Variants in PUM2 observed in about 807,000 individuals in gnomAD.
The protein encoded by PUM2 is pumilio RNA binding family member 2.
In PUM2, 57 loss-of-function variants were observed where a neutral mutation model predicts 124.5. The ratio of observed to expected loss-of-function variants is 0.46; its 90% CI spans 0.37 to 0.57. The LOEUF (loss-of-function observed/expected upper bound fraction) is 0.57. Ranked by LOEUF, PUM2 falls within the 20% of genes least tolerant of loss-of-function variation. PUM2 has a pLI of 0.00. For synonymous variants in PUM2, 460 were observed against 446.1 expected (o/e 1.03, Z -0.39); for missense variants, 1,065 against 1,290.6 (o/e 0.83, Z 2.68).
At chr2:20,336,712 T>TGTGTGTGG (rs201731555) in intron 1 of PUM2, among the ~76,000 whole-genome samples, 12 of 133,858 alleles carry the variant, frequency 9.0e-5, no homozygotes, top group Non-Finnish European at 1.6e-4. Context: ...TGTGTGTGTG[T>TGTGTGTGG]TACAGACGGG....
At position 20,289,689 on chromosome 2, in the gene PUM2, T is replaced by G. The variant is rs1326795951; in HGVS notation, c.1291+963A>C. Among the ~76,000 whole-genome samples the G allele has an allele frequency of 2.0e-5, 3 of 152,184 alleles. No homozygotes were observed. In the East Asian group the frequency reaches 5.8e-4, roughly 29 times the overall value. On this transcript the variant is annotated intron_variant, in intron 10 of 20. Coordinates refer to ENST00000361078, the MANE Select transcript of PUM2 (RefSeq NM_015317.5). ...TCCAGAGAGAAAGAATAAATGTAAT[T>G]GAAATAGAAATCCTTCAAACAACAA...
chr2:20,317,595 T>C (rs1324218329), intron 3 of PUM2, among the ~76,000 whole-genome samples: 1 of 152,150 alleles, frequency 6.6e-6, no homozygotes, highest in Non-Finnish European at 1.5e-5. Flanking sequence ...ATGTGCAGGT[T>C]TGTTATATAG....
rs747437492 is a variant in PUM2 at position 20,258,311 on chromosome 2, A to C, written c.2416T>G (p.Leu806Val). 6.2e-7 allele frequency: 1 copy of C among 1,612,450 alleles called. No individual in the cohort carries two copies. The highest frequency in any genetic ancestry group is 8.5e-7 in the Non-Finnish European group (1 of 1,178,808). Residue 806 changes from leucine to valine, a missense_variant, in exon 16 of 21, where the codon TTA becomes GTA. Transcript: ENST00000361078. ...CGGCAGCCATACATCTGCAAGGCTAAGGGTAGAACATGACCACGAATACGA... is the reference window on the plus strand; with the variant it reads ...CGGCAGCCATACATCTGCAAGGCTACGGGTAGAACATGACCACGAATACGA... ...ATRIRGHVLPLALQMYGCRVI... is the reference protein window; with the variant it reads ...ATRIRGHVLPVALQMYGCRVI...
chr2:20,295,409 C>T (rs1675271041), intron 8 of PUM2, among the ~76,000 whole-genome samples: 1 of 151,778 alleles, frequency 6.6e-6, no homozygotes, highest in Non-Finnish European at 1.5e-5. Context: ...ACGTTGCATT[C>T]AAAGGGGAAA....
Position 20,254,335 on chromosome 2 carries a change from T to C in PUM2, c.2871-321A>G, listed in dbSNP as rs142370812. Among the ~76,000 whole-genome samples, 563 of 152,258 alleles carry C rather than the reference T, an allele frequency of 3.7e-3. 7 individuals are homozygous for C. The highest frequency in any genetic ancestry group is 0.013 in the African/African-American group (549 of 41,558). On this transcript the variant is annotated intron_variant, in intron 19 of 20. Coordinates refer to ENST00000361078, the MANE Select transcript of PUM2 (RefSeq NM_015317.5). Reference sequence around the variant, plus strand: ...GCCACCACGCCTGGATAATTTTTTGTAGAGAAAGGATCTCCCTCTATGTTG... The same window carrying C: ...GCCACCACGCCTGGATAATTTTTTGCAGAGAAAGGATCTCCCTCTATGTTG...
At chr2:20,294,689 A>G (rs1419223822) in intron 8 of PUM2, among the ~76,000 whole-genome samples, 171 bp from the exon 9 acceptor site, 2 of 152,250 alleles carry the variant, frequency 1.3e-5, no homozygotes, top group African/African-American at 2.4e-5. Context: ...TCTTAAAGGG[A>G]AAAGATGAGA....
chr2:20,296,031 T>A (rs1051570413), intron 8 of PUM2, among the ~76,000 whole-genome samples: 2 of 152,198 alleles, frequency 1.3e-5, no homozygotes, highest in Non-Finnish European at 2.9e-5. Flanking sequence ...ATACCAACAC[T>A]TTACATAGTA....
chr2:20,286,215 CAAG>C (rs1672699977), intron 10 of PUM2, among the ~76,000 whole-genome samples: 2 of 152,018 alleles, frequency 1.3e-5, no homozygotes, highest in African/African-American at 4.8e-5. Flanking sequence ...AAAAGAGGGA[CAAG>C]AAGATGTGAG....
chr2:20,308,072 C>G lies in PUM2; in HGVS notation c.790-1G>C. On this transcript the variant is annotated splice_acceptor_variant, in intron 6 of 20. Coordinates refer to ENST00000361078, the MANE Select transcript of PUM2 (RefSeq NM_015317.5). LOFTEE classifies it high-confidence loss of function. ...TTAGTGCATTAGTCCTCTGAAAGAG[C>G]TATTAGGGAAAATATTTAACACAAA... The G allele has an allele frequency of 6.2e-7, 1 of 1,604,888 alleles. No homozygotes were observed.
intron 13 of PUM2, among the ~76,000 whole-genome samples, chr2:20,264,361 A>ATT (rs1667071078): frequency 1.6e-5 from 1 of 61,714 alleles, no homozygotes; most frequent in Non-Finnish European, 3.0e-5. Flanking sequence ...AAAAAAAAAA[A>ATT]AAAAAAATAT....
chr2:20,251,427 G>T lies in PUM2; in HGVS notation c.*158C>A. On this transcript the variant is annotated 3_prime_UTR_variant, in exon 21 of 21. Coordinates refer to ENST00000361078, the MANE Select transcript of PUM2 (RefSeq NM_015317.5). ...TCCCCCACCCCCCAAATATACACAA[G>T]AACCTTAAAAAATTTACAAATGGAT... 1 of 890,480 alleles carries T rather than the reference G, an allele frequency of 1.1e-6. No homozygotes were observed. Among genetic ancestry groups the T allele is most frequent in the Non-Finnish European group, 1.6e-6 (1 of 616,260 alleles). 55.2% of individuals were successfully genotyped at this position (890,480 alleles called of 1,614,324 possible).
chr2:20,337,153 T>A (rs1686293167), intron 1 of PUM2, among the ~76,000 whole-genome samples: 1 of 151,674 alleles, frequency 6.6e-6, no homozygotes, highest in African/African-American at 2.4e-5. Context: ...CAGACTGTGG[T>A]ATAGGCCTAA....
At chr2:20,336,122 T>C (rs1304559024) in intron 1 of PUM2, among the ~76,000 whole-genome samples, 3 of 152,216 alleles carry the variant, frequency 2.0e-5, no homozygotes, top group African/African-American at 7.2e-5. Context: ...TCAAATAATT[T>C]AGATGGAAAT....
chr2:20,271,657 A>C (rs1021056610), intron 13 of PUM2, among the ~76,000 whole-genome samples: 2 of 152,200 alleles, frequency 1.3e-5, no homozygotes, highest in African/African-American at 4.8e-5. Context: ...AAAGACCCTT[A>C]AAGTAAATAG....
intron 13 of PUM2, 110 bp from the exon 14 acceptor site, chr2:20,263,570 T>G: frequency 8.0e-7 from 1 of 1,256,466 alleles, no homozygotes; most frequent in Non-Finnish European, 1.1e-6. Context: ...CCCCCACTAA[T>G]TCCTACTTGT....
chr2:20,313,455 T>C (rs16987553), intron 3 of PUM2, among the ~76,000 whole-genome samples: 5,077 of 152,304 alleles, frequency 0.033, 278 homozygotes, highest in African/African-American at 0.12. Context: ...AAAGGATCAG[T>C]TGCTTATAAA....
At chr2:20,294,662 A>G (rs1286302706) in intron 8 of PUM2, 144 bp from the exon 9 acceptor site, 1 of 966,436 alleles carries the variant, frequency 1.0e-6, no homozygotes, top group Non-Finnish European at 1.5e-6. Context: ...CAAAGTATTG[A>G]TGGGTGACAG....
At chr2:20,276,258 CTTTTTT>C (rs36031998) in intron 13 of PUM2, among the ~76,000 whole-genome samples, 23 of 143,244 alleles carry the variant, frequency 1.6e-4, no homozygotes, top group Non-Finnish European at 2.7e-4. Context: ...AAAATGAAAA[CTTTTTT>C]TTTTTTTTTT....
chr2:20,268,510 C>A (rs13393733), intron 13 of PUM2, among the ~76,000 whole-genome samples: 3 of 151,780 alleles, frequency 2.0e-5, no homozygotes, highest in Admixed American at 1.3e-4. Flanking sequence ...CCCAGCTACT[C>A]GGGAGGCTGA....
Sources: allele counts gnomAD v4.1 joint callset (sites outside exome capture counted in the v4.1 genomes callset), GRCh38; gene constraint gnomAD v4.1.1; transcripts MANE v1.5; gene names NCBI Gene and HGNC (gene_info 2026-07-23, HGNC 2026-07-21).